Variants in IBA57 observed in about 807,000 individuals in gnomAD.
IBA57 encodes iron-sulfur cluster assembly factor IBA57, also known as iron-sulfur cluster assembly factor IBA57, mitochondrial.
In IBA57, 20 loss-of-function variants were observed where a neutral mutation model predicts 20.4. The ratio of observed to expected loss-of-function variants is 0.98; its 90% CI spans 0.69 to 1.42. The LOEUF (loss-of-function observed/expected upper bound fraction) is 1.42, where lower values mean the gene tolerates loss of function less well. Among genes scored for constraint, IBA57 ranks in the 40% most tolerant of loss-of-function variants. The pLI, the probability that IBA57 is intolerant of heterozygous loss-of-function variation, is 0.00. For synonymous variants in IBA57, 310 were observed against 233.9 expected (o/e 1.33, Z -2.97); for missense variants, 608 against 499.3 (o/e 1.22, Z -2.07).
chr1:228,171,028 C>G (rs1391022595), intron 1 of IBA57: 1 of 152,262 alleles, frequency 6.6e-6, no homozygotes, highest in African/African-American at 2.4e-5. Context: ...AACAAAAGCA[C>G]AGGACACCCA....
Position 228,177,224 on chromosome 1 carries a change from G to C in IBA57, c.*1711G>C. On this transcript the variant is annotated 3_prime_UTR_variant, in exon 3 of 3. Coordinates refer to ENST00000366711, the MANE Select transcript of IBA57 (RefSeq NM_001010867.4). ...CTGTGCCTCGAGCTCAAAGTGTCCC[G>C]GCTCTGTCATCTGCCTGAAGTTGCC... 1 of 152,344 alleles carries C rather than the reference G, an allele frequency of 6.6e-6. No homozygotes were observed. Among genetic ancestry groups the C allele is most frequent in the South Asian group, 2.1e-4 (1 of 4,818 alleles). 9.4% of individuals were successfully genotyped at this position (152,344 alleles called of 1,614,324 possible). A position where few individuals can be genotyped will look rare whatever the true frequency, so the allele number is the denominator to read the frequency against.
At position 228,167,268 on chromosome 1, in the gene IBA57, C is replaced by T. The variant is rs72757804; in HGVS notation, c.341+1111C>T. On this transcript the variant is annotated intron_variant, in intron 1 of 2. Transcript: ENST00000366711. ...AGAACCAGAGTTGGTGAAATACGGC[C>T]CTGAGGTCAGACCCAGCCCATTGCC... 5.2e-4 allele frequency among the ~76,000 whole-genome samples: 79 copies of T among 152,138 alleles called. No individual in the cohort carries two copies. In the South Asian group the frequency reaches 6.0e-3, roughly 12 times the overall value.
rs752194403 is a variant in IBA57, at chr1:228,174,750, G to A, written c.400G>A (p.Gly134Ser). 2.5e-6 allele frequency: 4 copies of A among 1,606,590 alleles called. 1 individual carries two copies. The South Asian group carries it at 4.4e-5, about 18-fold the overall frequency. The change falls in exon 2 of 3, where the codon GGC (glycine) becomes AGC (serine). Residue 134 changes from glycine (G) to serine (S), a missense_variant. By Grantham distance (56) the Gly-to-Ser change is moderately conservative. Transcript: ENST00000366711. The stretch of plus-strand genomic sequence containing the variant: ...TCTGGAGTGTGACAGCTCGGTGCAG[G>A]GCGCGCTGCAGAAGCACCTCGCGCT... ...FLLECDSSVQ[G>S]ALQKHLALYR...
At chr1:228,167,477 C>T (rs1445944777) in intron 1 of IBA57, among the ~76,000 whole-genome samples, 1 of 152,086 alleles carries the variant, frequency 6.6e-6, no homozygotes, top group Non-Finnish European at 1.5e-5. Flanking sequence ...CCGCCTCAGC[C>T]TCCCAAATAG....
intron 1 of IBA57, among the ~76,000 whole-genome samples, chr1:228,168,919 CCT>C (rs985524799): frequency 4.6e-5 from 7 of 152,036 alleles, no homozygotes; most frequent in Non-Finnish European, 8.8e-5. Flanking sequence ...AGTTCATGGC[CCT>C]GTTTCTCCTC....
intron 1 of IBA57, among the ~76,000 whole-genome samples, chr1:228,169,687 C>T (rs1301840864): frequency 6.6e-6 from 1 of 152,178 alleles, no homozygotes; most frequent in African/African-American, 2.4e-5. Context: ...CCTCTGTGCC[C>T]TGCCCATCCA....
chr1:228,166,771 T>A (rs2034859203), intron 1 of IBA57, among the ~76,000 whole-genome samples: 1 of 152,138 alleles, frequency 6.6e-6, no homozygotes, highest in African/African-American at 2.4e-5. Flanking sequence ...CAGCCTTGGG[T>A]TTCCCTTGCC....
At chr1:228,174,096 G>C (rs959567790) in intron 1 of IBA57, among the ~76,000 whole-genome samples, 1 of 152,162 alleles carries the variant, frequency 6.6e-6, no homozygotes, top group East Asian at 1.9e-4. Context: ...CGCCTTGGGA[G>C]GTGCTGCCTG....
intron 1 of IBA57, chr1:228,172,846 G>C (rs377411958): frequency 1.3e-5 from 2 of 152,436 alleles, no homozygotes; most frequent in South Asian, 2.1e-4. Flanking sequence ...TGTTTCCCTG[G>C]TGGCGTGGTG....
Position 228,175,343 on chromosome 1 carries a change from A to G in IBA57, c.901A>G (p.Thr301Ala), listed in dbSNP as rs749974734. ...CATCACCCCTGGTGCCACGGTGCTG[A>G]CTGCCTCAGGACAGACTGTGGGCAA... ...SGITPGATVLTASGQTVGKFR... is the reference protein window; with the variant it reads ...SGITPGATVLAASGQTVGKFR... The change falls in exon 3 of 3, where the codon ACT becomes GCT. Residue 301 changes from threonine to alanine, a missense_variant. Thr to Ala is a moderately conservative substitution (Grantham distance 58). Coordinates refer to ENST00000366711, the MANE Select transcript of IBA57 (RefSeq NM_001010867.4). 3.7e-6 allele frequency: 6 copies of G among 1,612,744 alleles called. No homozygotes were observed. In the East Asian group the frequency reaches 1.3e-4, roughly 36 times the overall value.
At chr1:228,166,214 C>G in intron 1 of IBA57, 57 bp downstream of exon 1, 1 of 1,316,236 alleles carries the variant, frequency 7.6e-7, no homozygotes, top group South Asian at 1.7e-5. Flanking sequence ...TGGCCAGGGA[C>G]CGGCACCCAG....
intron 1 of IBA57, 60 bp downstream of exon 1, chr1:228,166,217 G>A (rs964972649): frequency 1.0e-4 from 110 of 1,049,526 alleles, no homozygotes; most frequent in Non-Finnish European, 1.3e-4. Context: ...CCAGGGACCG[G>A]CACCCAGGGA....
At chr1:228,168,276 G>A (rs374296651) in intron 1 of IBA57, among the ~76,000 whole-genome samples, 1 of 152,088 alleles carries the variant, frequency 6.6e-6, no homozygotes, top group East Asian at 1.9e-4. Context: ...GTAGCTTACC[G>A]TATTGTAATA....
chr1:228,165,911 C>A lies in IBA57; in HGVS notation c.95C>A (p.Ala32Asp). The A allele has an allele frequency of 2.1e-6, 3 of 1,460,400 alleles. No homozygotes were observed. The highest frequency in any genetic ancestry group is 2.7e-6 in the Non-Finnish European group (3 of 1,110,506). The allele number at this position is 1,460,400 out of a possible 1,614,324, so 90.5% of individuals were successfully genotyped here. A position where few individuals can be genotyped will look rare whatever the true frequency, so the allele number is the denominator to read the frequency against. The part of the protein sequence containing the change: ...RLRAAPRCRL[A>D]HSSCSPGGDP... ...CGCGCGGCCCCAAGGTGCCGCCTGG[C>A]CCACAGCTCCTGCAGTCCTGGTGGC... The change falls in exon 1 of 3, where the codon GCC (alanine) becomes GAC (aspartate). Residue 32 changes from alanine to aspartate, a missense_variant. By Grantham distance (126) the Ala-to-Asp change is moderately radical (BLOSUM62 -2). Coordinates refer to ENST00000366711, the MANE Select transcript of IBA57 (RefSeq NM_001010867.4).
Position 228,181,105 on chromosome 1 carries a change from G to C in IBA57, c.*5592G>C, listed in dbSNP as rs1475920957. 1.3e-5 allele frequency: 2 copies of C among 152,258 alleles called. No homozygotes were observed. The highest frequency in any genetic ancestry group is 2.9e-5 in the Non-Finnish European group (2 of 68,156). The allele number at this position is 152,258 out of a possible 1,614,324, so 9.4% of individuals were successfully genotyped here. On this transcript the variant is annotated 3_prime_UTR_variant, in exon 3 of 3. Transcript: ENST00000366711. The stretch of plus-strand genomic sequence containing the variant: ...CCTGTAAGAGGTGATTAGGCTGTGA[G>C]GGCTCCACTCTCCAAGGGCGGAGTT...
rs899613565 is a variant in IBA57, at chr1:228,176,370, T to C, written c.*857T>C. 2 of 152,298 alleles carry C rather than the reference T, an allele frequency of 1.3e-5. No homozygotes were observed. Among genetic ancestry groups the C allele is most frequent in the Non-Finnish European group, 2.9e-5 (2 of 68,142 alleles). The allele number at this position is 152,298 out of a possible 1,614,324, so 9.4% of individuals were successfully genotyped here. ...ATGTTTCAGGGCATCTATTAAAGAG[T>C]GAGCCACAGGCAGCCCCTTGGGAGC... On this transcript the variant is annotated 3_prime_UTR_variant, in exon 3 of 3. Coordinates refer to ENST00000366711, the MANE Select transcript of IBA57 (RefSeq NM_001010867.4).
At position 228,180,183 on chromosome 1, in the gene IBA57, AAGAG is replaced by A. The variant is rs2035086718; in HGVS notation, c.*4671_*4674del. On this transcript the variant is annotated 3_prime_UTR_variant, in exon 3 of 3. Transcript: ENST00000366711. ...AAAAAAAAAAAAAAAAAAAAAAAAA[AAGAG>A]GGCTAAACGCATTTTCATACCACGA... 4.2e-5 allele frequency: 6 copies of A among 143,110 alleles called. No homozygotes were observed. The highest frequency in any genetic ancestry group is 2.0e-4 in the East Asian group (1 of 4,966). 8.9% of individuals were successfully genotyped at this position (143,110 alleles called of 1,614,324 possible).
intron 1 of IBA57, among the ~76,000 whole-genome samples, chr1:228,173,864 C>T (rs1416247238): frequency 1.3e-5 from 2 of 152,216 alleles, no homozygotes; most frequent in Non-Finnish European, 2.9e-5. Flanking sequence ...AGTCCCTGGG[C>T]AAACAGGGTC....
At chr1:228,173,888 C>T (rs2034960819) in intron 1 of IBA57, among the ~76,000 whole-genome samples, 1 of 152,370 alleles carries the variant, frequency 6.6e-6, no homozygotes, top group East Asian at 1.9e-4. Flanking sequence ...CTGCGCTGGC[C>T]CCTGTGAGCT....
Sources: gnomAD v4.1 joint callset for allele counts (sites outside exome capture counted in the v4.1 genomes callset) on GRCh38, gnomAD v4.1.1 for gene constraint, MANE v1.5 for transcripts, NCBI Gene and HGNC (gene_info 2026-07-23, HGNC 2026-07-21) for gene names.